The following UCN3 variants were observed in gnomAD, a reference collection of about 807,000 sequenced individuals.
UCN3 encodes the protein urocortin 3.
A neutral mutation model predicts 3.6 loss-of-function variants in UCN3; 3 were observed. That is an observed-to-expected ratio of 0.83 (90% CI 0.38 to 2.15). The LOEUF (loss-of-function observed/expected upper bound fraction) is 2.15, where lower values mean the gene tolerates loss of function less well. Ranked by LOEUF, UCN3 falls within the 30% of genes most tolerant of loss-of-function variation. The probability of loss-of-function intolerance (pLI) is 0.06; values close to 1 mark genes in which losing one functional copy is unlikely to be tolerated. For missense variants in UCN3, 206 were observed against 208.3 expected (o/e 0.99, Z 0.07); for synonymous variants, 100 against 93.2 (o/e 1.07, Z -0.42).
chr10:5,368,847 G>A (rs1831291797), intron 1 of UCN3, among the ~76,000 whole-genome samples: 1 of 152,140 alleles, frequency 6.6e-6, no homozygotes, highest in Admixed American at 6.5e-5. Context: ...TTTTCCACAG[G>A]GACGGTTAGT....
chr10:5,370,366 CGT>C (rs1465544147), intron 1 of UCN3, among the ~76,000 whole-genome samples: 412 of 6,882 alleles, frequency 0.06, 84 homozygotes, highest in Non-Finnish European at 0.076. Flanking sequence ...TGTGTATATG[CGT>C]GTGTATATGC....
chr10:5,371,190 C>T (rs543621908), intron 1 of UCN3, among the ~76,000 whole-genome samples: 10 of 143,950 alleles, frequency 6.9e-5, no homozygotes, highest in Non-Finnish European at 1.5e-4. Context: ...CATATGTGTA[C>T]GTGTGAGGTG....
chr10:5,370,612 TATGC>T (rs1831378702), intron 1 of UCN3, among the ~76,000 whole-genome samples: 1 of 100,800 alleles, frequency 9.9e-6, no homozygotes, highest in Admixed American at 1.1e-4. Flanking sequence ...TGCGTGTGTA[TATGC>T]GTGTATATGC....
chr10:5,370,897 G>GTGTGTATATGCA (rs1564443782), intron 1 of UCN3, among the ~76,000 whole-genome samples: 1 of 111,486 alleles, frequency 9.0e-6, no homozygotes, highest in Non-Finnish European at 2.0e-5. Context: ...GTGTATATGC[G>GTGTGTATATGCA]TGTGTATATG....
rs1564443850 is a variant in UCN3, at chr10:5,370,931, G to GCGTGTGTATA, written c.-6-2784_-6-2783insCGTGTGTATA. On this transcript the variant is annotated intron_variant, in intron 1 of 1. Coordinates refer to ENST00000380433, the MANE Select transcript of UCN3 (RefSeq NM_053049.4). ...TGCGTGTGTATATGCGTGTGTATAT[G>GCGTGTGTATA]TGTGTTCATGTGTATGTGTGTAAGG... Among the ~76,000 whole-genome samples, 142 of 129,760 alleles carry GCGTGTGTATA rather than the reference G, an allele frequency of 1.1e-3. 8 individuals carry two copies. The highest frequency in any genetic ancestry group is 4.1e-3 in the African/African-American group (134 of 32,354). The allele number at this position is 129,760 out of a possible 152,430, so 85.1% of individuals were successfully genotyped here. A position where few individuals can be genotyped will look rare whatever the true frequency, so the allele number is the denominator to read the frequency against.
rs1319076011 is a variant in UCN3 at position 5,370,862 on chromosome 10, C to CGTGT, written c.-6-2850_-6-2847dup. On this transcript the variant is annotated intron_variant, in intron 1 of 1. Transcript: ENST00000380433. ...GCGCGTGTGTGTGCGCGTGTGTGTG[C>CGTGT]GTGTGTATGTGTGTGTATATGCGTG... 4.3e-3 allele frequency among the ~76,000 whole-genome samples: 195 copies of CGTGT among 45,380 alleles called. 14 individuals carry two copies. Among genetic ancestry groups the CGTGT allele is most frequent in the African/African-American group, 0.018 (185 of 10,400 alleles). 29.8% of individuals were successfully genotyped at this position (45,380 alleles called of 152,430 possible).
intron 1 of UCN3, among the ~76,000 whole-genome samples, chr10:5,370,313 G>GTA (rs147407247): frequency 0.05 from 1,816 of 35,996 alleles, 513 homozygotes; most frequent in African/African-American, 0.082. Flanking sequence ...GTATATGCGT[G>GTA]TATGTGTGTG....
Position 5,373,790 on chromosome 10 carries a change from C to T in UCN3, c.70C>T (p.His24Tyr), listed in dbSNP as rs141642903. The T allele has an allele frequency of 9.3e-6, 15 of 1,613,978 alleles. No homozygotes were observed. The highest frequency in any genetic ancestry group is 2.2e-5 in the East Asian group (1 of 44,846). The change falls in exon 2 of 2, where the codon CAC (histidine) becomes TAC (tyrosine). Residue 24 changes from histidine to tyrosine, a missense_variant. Transcript: ENST00000380433. ...LLGGPRTGLP[H>Y]KFYKAKPIFS... ...GGGGGGCCCCAGGACAGGCCTCCCC[C>T]ACAAGTTCTACAAAGCCAAGCCCAT...
At position 5,366,178 on chromosome 10, in the gene UCN3, T is replaced by C. The variant is rs1834116279; in HGVS notation, c.-7+948T>C. Among the ~76,000 whole-genome samples, 1 of 152,154 alleles carries C rather than the reference T, an allele frequency of 6.6e-6. No individual in the cohort carries two copies. Among genetic ancestry groups the C allele is most frequent in the Non-Finnish European group, 1.5e-5 (1 of 68,034 alleles). On this transcript the variant is annotated intron_variant, in intron 1 of 1. Coordinates refer to ENST00000380433, the MANE Select transcript of UCN3 (RefSeq NM_053049.4). This position sits in a 1 kb window ranked among gnomAD's most constrained non-coding sequence, Gnocchi z 4.2. ...CATGTCCTGTCCTCTCCCTGTGAGG[T>C]GCTGGGAATTGGAGGCTGACCCAGG...
chr10:5,373,683 G>A, intron 1 of UCN3, 32 bp from the exon 2 acceptor site: 1 of 1,599,520 alleles, frequency 6.3e-7, no homozygotes, highest in Non-Finnish European at 8.5e-7. Flanking sequence ...CCCCTCCCAT[G>A]CCCCTGCCCA....
chr10:5,372,917 C>T (rs1042953096), intron 1 of UCN3, among the ~76,000 whole-genome samples: 12 of 151,932 alleles, frequency 7.9e-5, no homozygotes, highest in African/African-American at 2.7e-4. Flanking sequence ...AGACTAGCAT[C>T]CTTTCCGAGC....
At position 5,365,908 on chromosome 10, in the gene UCN3, C is replaced by G. The variant is rs11253130; in HGVS notation, c.-7+678C>G. ...GTGCAGATACCTACAATGGCTAACTCCTACCTGTGAAGGGGAGATGGATGT... is the reference window on the plus strand; with the variant it reads ...GTGCAGATACCTACAATGGCTAACTGCTACCTGTGAAGGGGAGATGGATGT... On this transcript the variant is annotated intron_variant, in intron 1 of 1. Coordinates refer to ENST00000380433, the MANE Select transcript of UCN3 (RefSeq NM_053049.4). This position sits in a 1 kb window ranked among gnomAD's most constrained non-coding sequence, Gnocchi z 4.4. Among the ~76,000 whole-genome samples the G allele has an allele frequency of 0.32, 48,200 of 152,068 alleles. 7,930 individuals carry two copies. Among genetic ancestry groups the G allele is most frequent in the South Asian group, 0.49 (2,353 of 4,828 alleles).
At position 5,370,043 on chromosome 10, in the gene UCN3, A is replaced by ATG. The variant is rs1831332232; in HGVS notation, c.-6-3671_-6-3670dup. ...TATGTGTGTGTATATGCGTGTGTATATGCGTGTGTATGTGTGTGTATATGT... is the reference window on the plus strand; with the variant it reads ...TATGTGTGTGTATATGCGTGTGTATATGTGCGTGTGTATGTGTGTGTATATGT... On this transcript the variant is annotated intron_variant, in intron 1 of 1. Transcript: ENST00000380433. Among the ~76,000 whole-genome samples the ATG allele has an allele frequency of 1.5e-4, 6 of 40,184 alleles. 1 individual carries two copies. The highest frequency in any genetic ancestry group is 6.4e-4 in the African/African-American group (6 of 9,344). 26.4% of individuals were successfully genotyped at this position (40,184 alleles called of 152,430 possible).
In UCN3 at chr10:5,374,231, G is replaced by C. The variant is rs1554811835; in HGVS notation, c.*25G>C. On this transcript the variant is annotated 3_prime_UTR_variant, in exon 2 of 2. Transcript: ENST00000380433. ...GAGGCGGAGGCTGGACGGGAGGGCA[G>C]CGGGGTGGGGAGGGGGAGGGGAGGG... The C allele has an allele frequency of 1.6e-6, 2 of 1,263,832 alleles. No individual in the cohort carries two copies. Among genetic ancestry groups the C allele is most frequent in the South Asian group, 2.9e-5 (2 of 68,628 alleles). The allele number at this position is 1,263,832 out of a possible 1,614,324, so 78.3% of individuals were successfully genotyped here.
In UCN3 at chr10:5,366,057, T is replaced by G. The variant is rs930534956; in HGVS notation, c.-7+827T>G. Reference sequence around the variant, plus strand: ...AGTGGTCTAGTTTCAGTTTAACTTCTTATCAGTGTTTGCAGACAAACGGAG... The same window carrying G: ...AGTGGTCTAGTTTCAGTTTAACTTCGTATCAGTGTTTGCAGACAAACGGAG... On this transcript the variant is annotated intron_variant, in intron 1 of 1. Transcript: ENST00000380433. This position sits in a 1 kb window ranked among gnomAD's most constrained non-coding sequence, Gnocchi z 4.2. Among the ~76,000 whole-genome samples the G allele has an allele frequency of 3.3e-5, 5 of 152,238 alleles. No individual in the cohort carries two copies. Among genetic ancestry groups the G allele is most frequent in the African/African-American group, 1.2e-4 (5 of 41,466 alleles).
rs797029243 is a variant in UCN3 at position 5,370,862 on chromosome 10, C to T, written c.-6-2853C>T. ...GCGCGTGTGTGTGCGCGTGTGTGTG[C>T]GTGTGTATGTGTGTGTATATGCGTG... On this transcript the variant is annotated intron_variant, in intron 1 of 1. Transcript: ENST00000380433. Among the ~76,000 whole-genome samples, 319 of 45,330 alleles carry T rather than the reference C, an allele frequency of 7.0e-3. 20 individuals carry two copies. Among genetic ancestry groups the T allele is most frequent in the East Asian group, 0.037 (50 of 1,360 alleles). 29.7% of individuals were successfully genotyped at this position (45,330 alleles called of 152,430 possible).
At chr10:5,369,867 GT>G in intron 1 of UCN3, among the ~76,000 whole-genome samples, 1 of 142,392 alleles carries the variant, frequency 7.0e-6, no homozygotes, top group African/African-American at 2.8e-5. Flanking sequence ...ACGTGGGTGT[GT>G]GTGTATATGT....
At chr10:5,370,151 A>G (rs797038244) in intron 1 of UCN3, among the ~76,000 whole-genome samples, 468 of 14,792 alleles carry the variant, frequency 0.032, 29 homozygotes, top group Non-Finnish European at 0.042. Context: ...ATGCGTGTGT[A>G]TATGTGTGTG....
At chr10:5,372,314 G>A (rs969930143) in intron 1 of UCN3, among the ~76,000 whole-genome samples, 1 of 152,144 alleles carries the variant, frequency 6.6e-6, no homozygotes, top group African/African-American at 2.4e-5. Flanking sequence ...AACTCTGACG[G>A]CCTCTGGCAC....
Sources: allele counts gnomAD v4.1 joint callset (sites outside exome capture counted in the v4.1 genomes callset), GRCh38; gene constraint gnomAD v4.1.1; non-coding constraint Gnocchi (gnomAD v3.1); transcripts MANE v1.5; gene names NCBI Gene and HGNC (gene_info 2026-07-23, HGNC 2026-07-21).